The following DPP10 variants were observed in gnomAD, a reference collection of about 807,000 sequenced individuals.
DPP10 encodes dipeptidyl peptidase like 10.
In DPP10, 33 loss-of-function variants were observed where a neutral mutation model predicts 120.9. The observed-to-expected ratio is 0.27, with a 90% CI of 0.21 to 0.37. The LOEUF (loss-of-function observed/expected upper bound fraction) is 0.37. Ranked by LOEUF, DPP10 falls within the 10% of genes least tolerant of loss-of-function variation. DPP10 has a pLI of 1.00. For missense variants in DPP10, 816 were observed against 942.8 expected, an observed-to-expected ratio of 0.87 and a Z score of 1.76; for synonymous variants, 337 against 326.1, an observed-to-expected ratio of 1.03 and a Z score of -0.36.
At chr2:114,692,619 G>A (rs921098473) in intron 1 of DPP10, among the ~76,000 whole-genome samples, 47 of 151,938 alleles carry the variant, frequency 3.1e-4, no homozygotes, top group African/African-American at 1.1e-3. Context: ...GCTGAGTTCA[G>A]GTCCTGAATA....
chr2:115,531,421 A>G (rs946880399), intron 5 of DPP10, among the ~76,000 whole-genome samples: 7 of 152,098 alleles, frequency 4.6e-5, no homozygotes, highest in Non-Finnish European at 1.0e-4. Context: ...CATATGCAGG[A>G]CAAAGATTAA....
intron 5 of DPP10, among the ~76,000 whole-genome samples, chr2:115,673,643 C>G (rs764544741): frequency 6.6e-6 from 1 of 152,076 alleles, no homozygotes; most frequent in Non-Finnish European, 1.5e-5. Context: ...CTAAACTGTT[C>G]GGTATGTAAT....
chr2:114,615,519 A>T (rs2105306035), intron 1 of DPP10, among the ~76,000 whole-genome samples: 1 of 152,260 alleles, frequency 6.6e-6, no homozygotes, highest in South Asian at 2.1e-4. Flanking sequence ...CTAATAGTCA[A>T]AGTATTCAGT....
intron 1 of DPP10, among the ~76,000 whole-genome samples, chr2:114,599,123 A>G (rs1692160234): frequency 6.6e-6 from 1 of 151,892 alleles, no homozygotes; most frequent in African/African-American, 2.4e-5. Context: ...TTACAGGTGT[A>G]TACATAACTT....
At chr2:114,659,711 C>G (rs1026621339) in intron 1 of DPP10, among the ~76,000 whole-genome samples, 1 of 152,030 alleles carries the variant, frequency 6.6e-6, no homozygotes, top group African/African-American at 2.4e-5. Flanking sequence ...TGAATGTAAT[C>G]TTTTTGGAAA....
intron 1 of DPP10, among the ~76,000 whole-genome samples, chr2:114,846,786 T>C (rs1351202430): frequency 6.6e-6 from 1 of 152,118 alleles, no homozygotes; most frequent in East Asian, 1.9e-4. Context: ...AAAATCCTAC[T>C]GATCATCCTG....
At chr2:115,758,874 C>G (rs930283714) in intron 11 of DPP10, among the ~76,000 whole-genome samples, 30 of 151,866 alleles carry the variant, frequency 2.0e-4, no homozygotes, top group African/African-American at 2.7e-4. Context: ...ATTGGCATCC[C>G]GATTGGATAA....
chr2:115,701,769 A>G (rs560504340), intron 7 of DPP10, among the ~76,000 whole-genome samples: 29 of 152,184 alleles, frequency 1.9e-4, no homozygotes, highest in African/African-American at 7.0e-4. Flanking sequence ...AAAACGTAAT[A>G]AAAAGAAAGC....
chr2:115,410,318 G>A lies in DPP10; in HGVS notation c.271+66406G>A, dbSNP rs551725391. Among the ~76,000 whole-genome samples, 7 of 152,228 alleles carry A rather than the reference G, an allele frequency of 4.6e-5. No homozygotes were observed. The East Asian group carries it at 5.8e-4, about 13-fold the overall frequency. On this transcript the variant is annotated intron_variant, in intron 3 of 25. Transcript: ENST00000410059. ...TGCACCCATAAAAAGGAATGAGATC[G>A]CGCCCTTTGCAGGGACACGGATGGA... is the stretch of plus-strand genomic sequence containing the variant.
At chr2:115,456,939 G>A (rs988935783) in intron 3 of DPP10, among the ~76,000 whole-genome samples, 1 of 149,630 alleles carries the variant, frequency 6.7e-6, no homozygotes, top group Non-Finnish European at 1.5e-5. Context: ...TGCACATTCT[G>A]CACACGTACC....
intron 5 of DPP10, among the ~76,000 whole-genome samples, chr2:115,689,015 A>C (rs1034619213): frequency 2.0e-5 from 3 of 152,162 alleles, no homozygotes; most frequent in Admixed American, 6.6e-5. Flanking sequence ...TGTGCTAGGT[A>C]ATGTGGAGGA....
At chr2:115,680,609 G>C (rs529494853) in intron 5 of DPP10, among the ~76,000 whole-genome samples, 1 of 151,916 alleles carries the variant, frequency 6.6e-6, no homozygotes, top group Non-Finnish European at 1.5e-5. Flanking sequence ...AATTTTAAAA[G>C]TACTAGAAGA....
intron 1 of DPP10, among the ~76,000 whole-genome samples, chr2:114,626,861 T>C (rs1694552663): frequency 6.6e-6 from 1 of 152,156 alleles, no homozygotes; most frequent in African/African-American, 2.4e-5. Flanking sequence ...ATACTTGCTG[T>C]TCTGCCCTAT....
intron 3 of DPP10, among the ~76,000 whole-genome samples, chr2:115,447,963 T>C (rs1454927826): frequency 1.3e-5 from 2 of 152,186 alleles, no homozygotes; most frequent in Non-Finnish European, 2.9e-5. Flanking sequence ...TAATATGTAA[T>C]AAGAACAAAT....
intron 5 of DPP10, among the ~76,000 whole-genome samples, chr2:115,621,497 G>A (rs961102406): frequency 2.0e-5 from 3 of 152,042 alleles, no homozygotes; most frequent in Admixed American, 6.6e-5. Context: ...AACTGACTTT[G>A]CTTCTATGCA....
At chr2:114,487,588 T>G (rs987782834) in intron 1 of DPP10, among the ~76,000 whole-genome samples, 1 of 152,326 alleles carries the variant, frequency 6.6e-6, no homozygotes, top group East Asian at 1.9e-4. Flanking sequence ...TTAACCTTTA[T>G]AAAATGTGAT....
intron 5 of DPP10, among the ~76,000 whole-genome samples, chr2:115,601,142 C>G (rs2083296055): frequency 6.6e-6 from 1 of 152,162 alleles, no homozygotes; most frequent in Non-Finnish European, 1.5e-5. Context: ...CATTCAGATT[C>G]TTTAAACTAT....
intron 1 of DPP10, among the ~76,000 whole-genome samples, chr2:114,637,916 G>C (rs1695416974): frequency 6.6e-6 from 1 of 151,620 alleles, no homozygotes; most frequent in South Asian, 2.1e-4. Context: ...AGTTGGGTAG[G>C]GTGATGTCTC....
chr2:114,524,869 G>T (rs1323457867), intron 1 of DPP10, among the ~76,000 whole-genome samples: 1 of 152,122 alleles, frequency 6.6e-6, no homozygotes, highest in Non-Finnish European at 1.5e-5. Flanking sequence ...TTTATTACAT[G>T]AATCTAAATT....
Sources: allele counts gnomAD v4.1 joint callset (sites outside exome capture counted in the v4.1 genomes callset), GRCh38; gene constraint gnomAD v4.1.1; transcripts MANE v1.5; gene names NCBI Gene and HGNC (gene_info 2026-07-23, HGNC 2026-07-21).